The following ARHGAP45 variants were observed in gnomAD, a reference collection of about 807,000 sequenced individuals.
ARHGAP45 encodes Rho GTPase activating protein 45.
Under a neutral mutation model 116.1 loss-of-function variants are expected in ARHGAP45, and 56 were observed. That is an observed-to-expected ratio of 0.48 (90% CI 0.39 to 0.60). The LOEUF (loss-of-function observed/expected upper bound fraction) is 0.60, where lower values mean the gene tolerates loss of function less well. ARHGAP45 is among the 20% of genes least tolerant of loss of function. ARHGAP45 has a pLI of 0.00. For synonymous variants in ARHGAP45, 866 were observed against 701.7 expected, an observed-to-expected ratio of 1.23 and a Z score of -3.70; for missense variants, 1,622 against 1,601.0, an observed-to-expected ratio of 1.01 and a Z score of -0.22.
intron 22 of ARHGAP45, 150 bp from the exon 23 acceptor site, chr19:1,085,510 T>TCTCTCCTGTCTCTCC (rs2043587494): frequency 5.5e-6 from 3 of 544,550 alleles, no homozygotes; most frequent in South Asian, 2.3e-5. Context: ...TTGTCTCTCC[T>TCTCTCCTGTCTCTCC]CCATCTCTCC....
In ARHGAP45 at chr19:1,073,555, G is replaced by A. The variant is rs1396955252; in HGVS notation, c.615G>A (p.Lys205=). 2 of 1,614,054 alleles carry A rather than the reference G, an allele frequency of 1.2e-6. No homozygotes were observed. Among genetic ancestry groups the A allele is most frequent in the Non-Finnish European group, 1.7e-6 (2 of 1,179,994 alleles). The change falls in exon 4 of 23, where the codon AAG becomes AAA. Residue 205 remains lysine (K), a synonymous_variant. Coordinates refer to ENST00000313093, the MANE Select transcript of ARHGAP45 (RefSeq NM_012292.5). The part of the protein sequence containing the change: ...NNDLEKQEFE[K]ALETIAVAFS... ...ATCTGGAGAAACAGGAGTTCGAGAA[G>A]GCCCTGGAGACGATTGCTGTGGCCT...
chr19:1,077,293 A>G (rs1160601866), intron 10 of ARHGAP45: 1 of 983,958 alleles, frequency 1.0e-6, no homozygotes, highest in African/African-American at 1.8e-5. Flanking sequence ...GCTTGGCTGC[A>G]CCTCAGCTTC....
intron 10 of ARHGAP45, 84 bp downstream of exon 10, chr19:1,074,963 G>C (rs1296171657): frequency 8.4e-7 from 1 of 1,191,326 alleles, no homozygotes; most frequent in Non-Finnish European, 1.1e-6. Context: ...CATAGCGAGG[G>C]CCCTGCGGCG....
chr19:1,073,998 G>A lies in ARHGAP45; in HGVS notation c.774G>A (p.Leu258=), dbSNP rs1256567192. 1 of 1,597,292 alleles carries A rather than the reference G, an allele frequency of 6.3e-7. No homozygotes were observed. Among genetic ancestry groups the A allele is most frequent in the Non-Finnish European group, 8.5e-7 (1 of 1,172,666 alleles). The part of the protein sequence containing the change: ...GPGSEGTPPS[L]EDCDAGCLPA... ...GCAGTGAGGGCACGCCTCCCAGCCT[G>A]GAAGACTGTGACGCCGGTAAGCCCC... Residue 258 remains leucine, a synonymous_variant, in exon 6 of 23, where the codon CTG becomes CTA. Transcript: ENST00000313093.
intron 19 of ARHGAP45, 119 bp downstream of exon 19, chr19:1,082,080 G>C (rs975733779): frequency 2.3e-5 from 25 of 1,069,352 alleles, no homozygotes; most frequent in African/African-American, 3.2e-5. Context: ...TGGCGCAAGC[G>C]GGGGCCTGGG....
intron 10 of ARHGAP45, among the ~76,000 whole-genome samples, chr19:1,075,498 G>T (rs1435430911): frequency 6.6e-6 from 1 of 152,008 alleles, no homozygotes; most frequent in Non-Finnish European, 1.5e-5. Flanking sequence ...ACCCGCGTCG[G>T]CCTCCCAAAG....
At chr19:1,075,621 T>C (rs1013317029) in intron 10 of ARHGAP45, among the ~76,000 whole-genome samples, 1 of 151,768 alleles carries the variant, frequency 6.6e-6, no homozygotes, top group Non-Finnish European at 1.5e-5. Context: ...GTTTGTTTCT[T>C]TGCTTGTTTT....
At chr19:1,073,435 C>T (rs1207213931) in intron 3 of ARHGAP45, 71 bp from the exon 4 acceptor site, 24 of 1,570,058 alleles carry the variant, frequency 1.5e-5, no homozygotes, top group Admixed American at 5.1e-5. Flanking sequence ...TTAAGGGCTC[C>T]GGTCAGTTCT....
chr19:1,076,755 C>T (rs1373381903), intron 10 of ARHGAP45, among the ~76,000 whole-genome samples: 9 of 151,978 alleles, frequency 5.9e-5, no homozygotes, highest in African/African-American at 2.2e-4. Flanking sequence ...CCTTGTCCTT[C>T]CAAAGTGCTG....
At chr19:1,067,097 C>A, upstream of ARHGAP45, 1 of 977,778 alleles carries the variant, frequency 1.0e-6, no homozygotes, top group Non-Finnish European at 1.3e-6. Flanking sequence ...CGGCTCCGAG[C>A]TCCCGAAGGC....
intron 2 of ARHGAP45, among the ~76,000 whole-genome samples, chr19:1,072,218 C>T (rs1013163698): frequency 1.3e-5 from 2 of 151,946 alleles, no homozygotes; most frequent in African/African-American, 4.8e-5. Context: ...AGTGCCACCA[C>T]GCTGCTACTT....
At chr19:1,082,385 G>T in intron 19 of ARHGAP45, 1 of 306,314 alleles carries the variant, frequency 3.3e-6, no homozygotes, top group Non-Finnish European at 6.1e-6. Context: ...GGCTAGACAA[G>T]TGCGGGGCTG....
At chr19:1,083,549 A>C (rs926719264) in intron 21 of ARHGAP45, among the ~76,000 whole-genome samples, 196 bp downstream of exon 21, 1 of 152,160 alleles carries the variant, frequency 6.6e-6, no homozygotes, top group African/African-American at 2.4e-5. Context: ...TGAATCTGGC[A>C]GAGGTGCAAA....
intron 19 of ARHGAP45, chr19:1,082,602 G>A (rs1282953317): frequency 1.9e-6 from 1 of 535,556 alleles, no homozygotes; most frequent in Non-Finnish European, 3.3e-6. Flanking sequence ...GTACCTGCAG[G>A]GCGGGGCGCG....
Position 1,084,265 on chromosome 19 carries a change from G to A in ARHGAP45, c.2983G>A (p.Val995Ile). The change falls in exon 22 of 23, where the codon GTA becomes ATA. Residue 995 changes from valine to isoleucine, a missense_variant. By Grantham distance (29) the Val-to-Ile change is conservative. Transcript: ENST00000313093. The part of the protein sequence containing the change: ...QDESSNQRAE[V>I]VVQVPYLEAG... ...CGAGTCATCCAACCAGCGAGCTGAG[G>A]TAGTCGTCCAGGTGCCGTACCTGGA... The A allele has an allele frequency of 6.2e-7, 1 of 1,613,568 alleles. No homozygotes were observed. The highest frequency in any genetic ancestry group is 8.5e-7 in the Non-Finnish European group (1 of 1,179,900).
upstream of ARHGAP45, chr19:1,066,058 G>GCA (rs765102978): frequency 6.5e-6 from 10 of 1,535,702 alleles, no homozygotes; most frequent in Non-Finnish European, 7.8e-6. Context: ...TCAAGGGTCT[G>GCA]CTGGGCTGGG....
At chr19:1,076,143 C>T (rs2043242663) in intron 10 of ARHGAP45, among the ~76,000 whole-genome samples, 1 of 152,134 alleles carries the variant, frequency 6.6e-6, no homozygotes, top group Non-Finnish European at 1.5e-5. Flanking sequence ...CAAGCTTGTG[C>T]CCCTGTCTCA....
At chr19:1,067,916 G>C (rs1028588103) in intron 1 of ARHGAP45, among the ~76,000 whole-genome samples, 1 of 149,022 alleles carries the variant, frequency 6.7e-6, no homozygotes, top group Non-Finnish European at 1.5e-5. Flanking sequence ...AGGTTCAGAG[G>C]TTGGGGAGTG....
intron 21 of ARHGAP45, 45 bp downstream of exon 21, chr19:1,083,398 G>T: frequency 6.7e-7 from 1 of 1,484,176 alleles, no homozygotes; most frequent in South Asian, 1.2e-5. Flanking sequence ...GGGGCTTGGG[G>T]AGCAGGGGGC....
Sources: gnomAD v4.1 joint callset for allele counts (sites outside exome capture counted in the v4.1 genomes callset) on GRCh38, gnomAD v4.1.1 for gene constraint, MANE v1.5 for transcripts, NCBI Gene and HGNC (gene_info 2026-07-23, HGNC 2026-07-21) for gene names.